The following DSCAM variants were observed in gnomAD, a reference collection of about 807,000 sequenced individuals.
DSCAM encodes the protein DS cell adhesion molecule, also known as cell adhesion molecule DSCAM.
In DSCAM, 47 loss-of-function variants were observed where a neutral mutation model predicts 217.7. The observed-to-expected ratio is 0.22, with a 90% CI of 0.17 to 0.28. The LOEUF is 0.28. Among genes scored for constraint, DSCAM ranks in the 10% least tolerant of loss-of-function variants. The probability of loss-of-function intolerance (pLI) is 1.00; values close to 1 mark genes in which losing one functional copy is unlikely to be tolerated. For synonymous variants in DSCAM, 1,056 were observed against 1,015.3 expected, an observed-to-expected ratio of 1.04 and a Z score of -0.76; for missense variants, 2,080 against 2,618.3, an observed-to-expected ratio of 0.79 and a Z score of 4.49.
intron 3 of DSCAM, among the ~76,000 whole-genome samples, chr21:40,578,478 C>T (rs2146216448): frequency 6.6e-6 from 1 of 152,008 alleles, no homozygotes; most frequent in South Asian, 2.1e-4. Context: ...ACGGACCAAT[C>T]AGCACTCTGT....
chr21:40,275,574 C>T (rs966057002), intron 11 of DSCAM, among the ~76,000 whole-genome samples: 3 of 152,250 alleles, frequency 2.0e-5, no homozygotes, highest in Non-Finnish European at 4.4e-5. Context: ...GGGCCAGCAG[C>T]GCCAGCATTA....
chr21:40,651,644 G>C (rs2090015309), intron 3 of DSCAM, among the ~76,000 whole-genome samples: 1 of 152,128 alleles, frequency 6.6e-6, no homozygotes, highest in South Asian at 2.1e-4. Context: ...TCTCTGACCT[G>C]TTGGAAACTC....
intron 3 of DSCAM, among the ~76,000 whole-genome samples, chr21:40,660,994 C>G (rs935444594): frequency 4.6e-5 from 7 of 152,136 alleles, no homozygotes; most frequent in African/African-American, 1.7e-4. Context: ...TTAGTTTGAG[C>G]CCAAGCAAGG....
intron 10 of DSCAM, among the ~76,000 whole-genome samples, chr21:40,282,615 A>AG (rs2073777399): frequency 6.8e-6 from 1 of 146,498 alleles, no homozygotes; most frequent in South Asian, 2.1e-4. Flanking sequence ...AAAAAAAAAA[A>AG]AAAAAGATAG....
intron 11 of DSCAM, among the ~76,000 whole-genome samples, chr21:40,205,072 C>A (rs1601439088): frequency 1.3e-5 from 2 of 152,188 alleles, no homozygotes; most frequent in Admixed American, 1.3e-4. Flanking sequence ...CACTGTTAAT[C>A]AGGAGGTATT....
At chr21:40,838,133 A>C (rs2092071424) in intron 1 of DSCAM, among the ~76,000 whole-genome samples, 1 of 152,204 alleles carries the variant, frequency 6.6e-6, no homozygotes, top group Non-Finnish European at 1.5e-5. Context: ...AAATAAATTA[A>C]ATTAAAATAT....
chr21:40,249,252 C>T (rs564371759), intron 11 of DSCAM, among the ~76,000 whole-genome samples: 4 of 152,222 alleles, frequency 2.6e-5, no homozygotes, highest in African/African-American at 9.6e-5. Context: ...AATTGTACTC[C>T]CATAATTCCC....
chr21:40,257,017 C>G (rs942289122), intron 11 of DSCAM, among the ~76,000 whole-genome samples: 1 of 152,148 alleles, frequency 6.6e-6, no homozygotes, highest in Non-Finnish European at 1.5e-5. Flanking sequence ...CTTAATGTCC[C>G]GTAACTTTAC....
intron 11 of DSCAM, among the ~76,000 whole-genome samples, chr21:40,230,284 T>C (rs758729300): frequency 3.9e-5 from 6 of 152,374 alleles, no homozygotes; most frequent in Middle Eastern, 3.4e-3. Context: ...CTTTAAATGT[T>C]TGTTAGAATT....
intron 6 of DSCAM, among the ~76,000 whole-genome samples, chr21:40,345,957 C>T (rs1444042481): frequency 6.6e-6 from 1 of 152,190 alleles, no homozygotes; most frequent in Non-Finnish European, 1.5e-5. Context: ...TGAAAGCAGA[C>T]ATTATTTTCC....
chr21:40,532,229 G>A (rs186610099), intron 3 of DSCAM, among the ~76,000 whole-genome samples: 86 of 150,976 alleles, frequency 5.7e-4, no homozygotes, highest in Non-Finnish European at 1.1e-3. Flanking sequence ...AAACCACTGG[G>A]GAAAACAAAA....
chr21:40,412,934 C>T (rs2075336759), intron 3 of DSCAM, among the ~76,000 whole-genome samples: 1 of 152,224 alleles, frequency 6.6e-6, no homozygotes, highest in Non-Finnish European at 1.5e-5. Context: ...GGCCCTGCAT[C>T]TCAGCTGCTC....
intron 3 of DSCAM, among the ~76,000 whole-genome samples, chr21:40,435,536 CTG>C (rs375981200): frequency 1.8e-5 from 2 of 110,404 alleles, no homozygotes; most frequent in African/African-American, 6.2e-5. Context: ...AATTTAAAAA[CTG>C]TATCTACCAA....
Position 40,433,953 on chromosome 21 carries a change from C to T in DSCAM, c.509-64708G>A, listed in dbSNP as rs115153041. 8.9e-3 allele frequency among the ~76,000 whole-genome samples: 1,353 copies of T among 152,174 alleles called. 14 individuals carry two copies. The highest frequency in any genetic ancestry group is 0.031 in the African/African-American group (1,268 of 41,520). ...AGTGGATAATATCACCTGCGTTGGG[C>T]GATGTCACCTGAGGCAGCTGGAGTC... On this transcript the variant is annotated intron_variant, in intron 3 of 32. Transcript: ENST00000400454.
At chr21:40,053,272 G>T (rs142853423) in intron 29 of DSCAM, among the ~76,000 whole-genome samples, 57 of 152,336 alleles carry the variant, frequency 3.7e-4, no homozygotes, top group African/African-American at 1.2e-3. Flanking sequence ...GTATCCCAGC[G>T]CATGGTGCGG....
At chr21:40,826,823 GT>G (rs1462788716) in intron 1 of DSCAM, among the ~76,000 whole-genome samples, 1 of 152,190 alleles carries the variant, frequency 6.6e-6, no homozygotes, top group Non-Finnish European at 1.5e-5. Flanking sequence ...ATACCTGTGA[GT>G]TTTGTAAAGG....
chr21:40,485,396 C>A (rs1165330144), intron 3 of DSCAM, among the ~76,000 whole-genome samples: 2 of 152,016 alleles, frequency 1.3e-5, no homozygotes, highest in Non-Finnish European at 2.9e-5. Flanking sequence ...GCGCCCGCCA[C>A]CGCGCCCGGC....
At chr21:40,644,036 C>G (rs1449906767) in intron 3 of DSCAM, among the ~76,000 whole-genome samples, 1 of 152,176 alleles carries the variant, frequency 6.6e-6, no homozygotes, top group African/African-American at 2.4e-5. Context: ...TGTTAAACTC[C>G]CAACTTCCCA....
intron 3 of DSCAM, among the ~76,000 whole-genome samples, chr21:40,535,335 G>C (rs899139981): frequency 1.3e-5 from 2 of 152,096 alleles, no homozygotes; most frequent in African/African-American, 4.8e-5. Flanking sequence ...CAACCATAAT[G>C]TCAGACAAAA....
Sources: allele counts gnomAD v4.1 joint callset (sites outside exome capture counted in the v4.1 genomes callset), GRCh38; gene constraint gnomAD v4.1.1; transcripts MANE v1.5; gene names NCBI Gene and HGNC (gene_info 2026-07-23, HGNC 2026-07-21).